The following CTNNA3 variants were observed in gnomAD, a reference collection of about 807,000 sequenced individuals.
CTNNA3 encodes catenin alpha-3.
CTNNA3 carries 76 observed loss-of-function variants against 95.7 expected under a neutral mutation model. The ratio of observed to expected loss-of-function variants is 0.79; its 90% confidence interval spans 0.66 to 0.96. CTNNA3 has a LOEUF of 0.96. Among genes scored for constraint, CTNNA3 ranks in the 40% least tolerant of loss-of-function variants. CTNNA3 has a pLI of 0.00. For missense variants in CTNNA3, 1,191 were observed against 1,089.8 expected, an observed-to-expected ratio of 1.09 and a Z score of -1.31; for synonymous variants, 431 against 374.4, an observed-to-expected ratio of 1.15 and a Z score of -1.74.
intron 7 of CTNNA3, among the ~76,000 whole-genome samples, chr10:66,836,141 A>C (rs997366865): frequency 6.6e-6 from 1 of 152,194 alleles, no homozygotes; most frequent in African/African-American, 2.4e-5. Flanking sequence ...CATGATCTAT[A>C]TTAAGCTACA....
At chr10:66,262,957 T>G (rs1373381609) in intron 13 of CTNNA3, among the ~76,000 whole-genome samples, 1 of 151,958 alleles carries the variant, frequency 6.6e-6, no homozygotes, top group African/African-American at 2.4e-5. Flanking sequence ...GGAAATGCCT[T>G]GAAGTAGACC....
chr10:65,949,644 C>T (rs1275203764), intron 17 of CTNNA3, among the ~76,000 whole-genome samples: 1 of 152,126 alleles, frequency 6.6e-6, no homozygotes, highest in African/African-American at 2.4e-5. Flanking sequence ...ACTAGCTTTA[C>T]CTGACCTCAG....
Position 66,618,879 on chromosome 10 carries a change from C to G in CTNNA3, c.1374+2813G>C, listed in dbSNP as rs556079704. On this transcript the variant is annotated intron_variant, in intron 10 of 17. Coordinates refer to ENST00000433211, the MANE Select transcript of CTNNA3 (RefSeq NM_013266.4). ...ACATTTACAAGAAAAAAACAAACAA[C>G]CCCATCAAAAAGTGGGCGAAGGATA... 7.3e-5 allele frequency among the ~76,000 whole-genome samples: 11 copies of G among 150,890 alleles called. No homozygotes were observed. The East Asian group carries it at 2.2e-3, about 30-fold the overall frequency.
chr10:66,052,235 G>T (rs911831686), intron 15 of CTNNA3, among the ~76,000 whole-genome samples: 1 of 152,126 alleles, frequency 6.6e-6, no homozygotes, highest in Admixed American at 6.5e-5. Context: ...TTGTATAGTT[G>T]CACCCAATTG....
At chr10:67,526,022 A>G (rs1001123215) in intron 4 of CTNNA3, among the ~76,000 whole-genome samples, 1 of 152,226 alleles carries the variant, frequency 6.6e-6, no homozygotes, top group African/African-American at 2.4e-5. Flanking sequence ...TCATCTGTTT[A>G]AAACAATGCT....
intron 5 of CTNNA3, among the ~76,000 whole-genome samples, chr10:67,488,978 C>T (rs923335721): frequency 2.0e-5 from 3 of 152,158 alleles, no homozygotes; most frequent in Admixed American, 6.5e-5. Context: ...TCAGGTGATT[C>T]GCCAGCCTCA....
At chr10:66,628,573 G>T (rs1845021178) in intron 9 of CTNNA3, among the ~76,000 whole-genome samples, 1 of 152,150 alleles carries the variant, frequency 6.6e-6, no homozygotes, top group Non-Finnish European at 1.5e-5. Context: ...TAATCTAGCT[G>T]AAATGTGTTA....
chr10:66,897,389 G>A (rs1004939517), intron 7 of CTNNA3, among the ~76,000 whole-genome samples: 5 of 151,810 alleles, frequency 3.3e-5, no homozygotes, highest in African/African-American at 1.2e-4. Flanking sequence ...TTTACTTTGA[G>A]GTTTTGACTT....
chr10:67,720,218 G>A (rs531519474), intron 1 of CTNNA3, among the ~76,000 whole-genome samples: 13 of 144,546 alleles, frequency 9.0e-5, no homozygotes, highest in South Asian at 2.2e-4. Flanking sequence ...GTCTTTGCAC[G>A]TGAAATGGGT....
intron 12 of CTNNA3, among the ~76,000 whole-genome samples, chr10:66,292,639 T>C (rs2091703629): frequency 6.6e-6 from 1 of 152,144 alleles, no homozygotes; most frequent in South Asian, 2.1e-4. Flanking sequence ...TTAAGAGGAT[T>C]AATAAGGATA....
intron 12 of CTNNA3, among the ~76,000 whole-genome samples, chr10:66,306,679 C>T (rs2091938928): frequency 1.3e-5 from 2 of 152,154 alleles, no homozygotes; most frequent in Admixed American, 1.3e-4. Context: ...TAACGACCAT[C>T]GAGTACTTAC....
Position 67,734,871 on chromosome 10 carries a change from T to A in CTNNA3, c.-2+28563A>T, listed in dbSNP as rs542517472. On this transcript the variant is annotated intron_variant, in intron 1 of 17. Transcript: ENST00000684154. Reference sequence around the variant, plus strand: ...TAAATGTCCTATAACATGGGTTTTTTTTAAATAAAACCTATGATACATACA... The same window carrying A: ...TAAATGTCCTATAACATGGGTTTTTATTAAATAAAACCTATGATACATACA... Among the ~76,000 whole-genome samples the A allele has an allele frequency of 1.4e-4, 21 of 152,266 alleles. No homozygotes were observed. The East Asian group carries it at 3.9e-3, about 28-fold the overall frequency.
intron 7 of CTNNA3, among the ~76,000 whole-genome samples, chr10:66,873,808 C>G (rs979731755): frequency 6.6e-6 from 1 of 152,124 alleles, no homozygotes; most frequent in Non-Finnish European, 1.5e-5. Context: ...TATTAAAAAT[C>G]TAGAAGAAAA....
At chr10:66,014,053 C>T (rs1398624497) in intron 15 of CTNNA3, among the ~76,000 whole-genome samples, 1 of 152,058 alleles carries the variant, frequency 6.6e-6, no homozygotes, top group Non-Finnish European at 1.5e-5. Context: ...AAGTCTTCTA[C>T]AGGCCAACAT....
chr10:67,452,901 A>G (rs1847044177), intron 5 of CTNNA3, among the ~76,000 whole-genome samples: 1 of 152,218 alleles, frequency 6.6e-6, no homozygotes, highest in Non-Finnish European at 1.5e-5. Flanking sequence ...TAGCAAATTA[A>G]AAATTATATA....
chr10:66,903,260 G>C (rs1845834406), intron 7 of CTNNA3, among the ~76,000 whole-genome samples: 1 of 152,068 alleles, frequency 6.6e-6, no homozygotes, highest in African/African-American at 2.4e-5. Flanking sequence ...CACATAAACA[G>C]AACCAACGAC....
intron 3 of CTNNA3, among the ~76,000 whole-genome samples, chr10:67,549,659 C>T (rs1840956911): frequency 6.6e-6 from 1 of 152,030 alleles, no homozygotes; most frequent in Admixed American, 6.6e-5. Flanking sequence ...TCCAGCCTGC[C>T]CTGTTTATGT....
intron 13 of CTNNA3, among the ~76,000 whole-genome samples, chr10:66,207,158 T>C (rs1030761044): frequency 2.5e-4 from 37 of 148,984 alleles, no homozygotes; most frequent in Non-Finnish European, 4.2e-4. Context: ...TAATATATCA[T>C]TTATTTAATA....
intron 12 of CTNNA3, among the ~76,000 whole-genome samples, chr10:66,359,471 C>A (rs1258513046): frequency 6.6e-6 from 1 of 152,080 alleles, no homozygotes; most frequent in Non-Finnish European, 1.5e-5. Flanking sequence ...AATTAATATT[C>A]TCCTACAATT....
Sources: gnomAD v4.1 joint callset for allele counts (sites outside exome capture counted in the v4.1 genomes callset) on GRCh38, gnomAD v4.1.1 for gene constraint, MANE v1.5 for transcripts, NCBI Gene and HGNC (gene_info 2026-07-23, HGNC 2026-07-21) for gene names.